HTR1F: variants seen among roughly 807,000 people sequenced by gnomAD.
HTR1F encodes the protein 5-hydroxytryptamine (serotonin) receptor 1F, G protein-coupled.
HTR1F carries 17 observed loss-of-function variants against 24.0 expected under a neutral mutation model. The observed-to-expected ratio is 0.71, with a 90% CI of 0.48 to 1.06. The LOEUF is 1.06. Ranked by LOEUF, HTR1F falls within the 50% of genes least tolerant of loss-of-function variation. The probability of loss-of-function intolerance (pLI) is 0.00; values close to 1 mark genes in which losing one functional copy is unlikely to be tolerated. For missense variants in HTR1F, 391 were observed against 427.8 expected (o/e 0.91, Z 0.76); for synonymous variants, 186 against 156.8 (o/e 1.19, Z -1.39).
intron 1 of HTR1F, among the ~76,000 whole-genome samples, chr3:87,796,135 C>G (rs977214847): frequency 6.6e-6 from 1 of 152,056 alleles, no homozygotes; most frequent in Non-Finnish European, 1.5e-5. Context: ...TGTTTGCCAG[C>G]CTAGTCTTTA....
chr3:87,991,559 T>C lies in HTR1F; in HGVS notation c.810T>C (p.Ser270=), dbSNP rs775925663. 28 of 1,613,942 alleles carry C rather than the reference T, an allele frequency of 1.7e-5. No individual in the cohort carries two copies. The highest frequency in any genetic ancestry group is 2.2e-5 in the Non-Finnish European group (26 of 1,179,984). The change falls in exon 3 of 3, where the codon TCT becomes TCC. Residue 270 remains serine (S), a synonymous_variant. Transcript: ENST00000319595. ...KIHSTVRSLR[S]EFKHEKSWRR... ...ATAGCACAGTGAGAAGTCTCAGGTCTGAATTCAAGCATGAGAAATCTTGGA... is the reference window on the plus strand; with the variant it reads ...ATAGCACAGTGAGAAGTCTCAGGTCCGAATTCAAGCATGAGAAATCTTGGA...
At chr3:87,851,544 G>T (rs1705086670) in intron 2 of HTR1F, among the ~76,000 whole-genome samples, 2 of 151,228 alleles carry the variant, frequency 1.3e-5, no homozygotes, top group Non-Finnish European at 3.0e-5. Context: ...TACTTTTATT[G>T]CTTAATGCTA....
At position 87,822,108 on chromosome 3, in the gene HTR1F, C is replaced by CAATCT. The variant is rs1366844441; in HGVS notation, c.-57_-53dup. Among the ~76,000 whole-genome samples the CAATCT allele has an allele frequency of 6.6e-6, 1 of 151,946 alleles. No homozygotes were observed. The highest frequency in any genetic ancestry group is 6.6e-5 in the Admixed American group (1 of 15,256). On this transcript the variant is annotated 5_prime_UTR_variant, in exon 2 of 3. An upstream open reading frame in the 5' UTR gains an earlier in-frame stop. Transcript: ENST00000319595. ...GAAATGGTGATGAAAACCCACAATT[C>CAATCT]AATCTACCACAGTATGGTAAGCATT...
At chr3:87,826,912 T>C (rs1704475582) in intron 2 of HTR1F, among the ~76,000 whole-genome samples, 1 of 151,950 alleles carries the variant, frequency 6.6e-6, no homozygotes, top group Admixed American at 6.6e-5. Context: ...CTGGTCTCAA[T>C]AGATCCTCCC....
At chr3:87,946,086 C>T (rs59671081) in intron 2 of HTR1F, among the ~76,000 whole-genome samples, 1 of 152,114 alleles carries the variant, frequency 6.6e-6, no homozygotes, top group Non-Finnish European at 1.5e-5. Context: ...GTGTTCAGCT[C>T]GATTAGGATG....
At chr3:87,984,388 A>ATTTGT (rs1227534404) in intron 2 of HTR1F, among the ~76,000 whole-genome samples, 2 of 149,518 alleles carry the variant, frequency 1.3e-5, no homozygotes, top group African/African-American at 4.9e-5. Flanking sequence ...TGCTGTTTTG[A>ATTTGT]TTTGTTTTGT....
At chr3:87,927,952 T>G (rs978955842) in intron 2 of HTR1F, among the ~76,000 whole-genome samples, 1 of 152,166 alleles carries the variant, frequency 6.6e-6, no homozygotes, top group East Asian at 1.9e-4. Context: ...GTAAATAAAC[T>G]CCATTGGTGG....
intron 2 of HTR1F, among the ~76,000 whole-genome samples, chr3:87,933,503 A>G (rs1342050695): frequency 6.6e-6 from 1 of 152,246 alleles, no homozygotes; most frequent in African/African-American, 2.4e-5. Context: ...AACTTCAGCA[A>G]AGTCTCAGGA....
At chr3:87,977,537 T>C (rs1440727936) in intron 2 of HTR1F, among the ~76,000 whole-genome samples, 1 of 151,400 alleles carries the variant, frequency 6.6e-6, no homozygotes, top group African/African-American at 2.4e-5. Context: ...TAGCTGGGAC[T>C]ACAGGCACCC....
intron 2 of HTR1F, among the ~76,000 whole-genome samples, chr3:87,856,748 T>C (rs1705207136): frequency 1.3e-5 from 2 of 152,164 alleles, no homozygotes; most frequent in African/African-American, 4.8e-5. Flanking sequence ...CCTAAATGTA[T>C]GCCCATGTAA....
At chr3:87,948,319 G>T (rs373615389) in intron 2 of HTR1F, among the ~76,000 whole-genome samples, 1 of 152,068 alleles carries the variant, frequency 6.6e-6, no homozygotes, top group East Asian at 1.9e-4. Flanking sequence ...AAAGGCAGAG[G>T]TCACTAGAAT....
chr3:87,832,476 C>T (rs1704602769), intron 2 of HTR1F, among the ~76,000 whole-genome samples: 2 of 152,022 alleles, frequency 1.3e-5, no homozygotes, highest in African/African-American at 4.8e-5. Flanking sequence ...TACAGGCGCA[C>T]GCCGCCACAC....
rs138757621 is a variant in HTR1F at position 87,829,968 on chromosome 3, TTAAA to T, written c.-43+7847_-43+7850del. Among the ~76,000 whole-genome samples, 347 of 152,312 alleles carry T rather than the reference TTAAA, an allele frequency of 2.3e-3. 2 individuals are homozygous for T. Among genetic ancestry groups the T allele is most frequent in the African/African-American group, 7.1e-3 (297 of 41,568 alleles). On this transcript the variant is annotated intron_variant, in intron 2 of 2. Transcript: ENST00000319595. ...TTTGCTTGTGTAAAATTTTTTATCC[TTAAA>T]TAGTCTTTAGTGTGATGTATACAAT...
At chr3:87,896,961 A>G (rs1706211184) in intron 2 of HTR1F, among the ~76,000 whole-genome samples, 1 of 152,158 alleles carries the variant, frequency 6.6e-6, no homozygotes, top group Admixed American at 6.6e-5. Flanking sequence ...TGTTGGTGGG[A>G]ATGTAGCTTA....
chr3:87,920,768 T>C (rs886728554), intron 2 of HTR1F, among the ~76,000 whole-genome samples: 1 of 151,914 alleles, frequency 6.6e-6, no homozygotes, highest in Non-Finnish European at 1.5e-5. Flanking sequence ...AAAAGAACTA[T>C]TGAGTACTAG....
At position 87,968,672 on chromosome 3, in the gene HTR1F, G is replaced by A. The variant is rs373881806; in HGVS notation, c.-42-22036G>A. 4.7e-4 allele frequency among the ~76,000 whole-genome samples: 71 copies of A among 152,308 alleles called. No individual in the cohort carries two copies. In the South Asian group the frequency reaches 0.013, roughly 29 times the overall value. ...TGGAAAATTTGCAGCCTGACAAAGC[G>A]GTAGGAAAGAAAAACCCATTTTCTT... is the stretch of plus-strand genomic sequence containing the variant. On this transcript the variant is annotated intron_variant, in intron 2 of 2. Coordinates refer to ENST00000319595, the MANE Select transcript of HTR1F (RefSeq NM_001322209.2).
intron 2 of HTR1F, among the ~76,000 whole-genome samples, chr3:87,891,309 AT>A (rs1403445237): frequency 8.5e-5 from 13 of 152,182 alleles, no homozygotes; most frequent in African/African-American, 1.7e-4. Context: ...AATAAAAAAA[AT>A]GCCATTCTCC....
intron 2 of HTR1F, among the ~76,000 whole-genome samples, chr3:87,931,450 G>A (rs1416676067): frequency 1.3e-5 from 2 of 152,222 alleles, no homozygotes; most frequent in South Asian, 2.1e-4. Flanking sequence ...GTCTATCATT[G>A]TTGGACATTT....
At chr3:87,950,248 A>G (rs939741568) in intron 2 of HTR1F, among the ~76,000 whole-genome samples, 3 of 152,194 alleles carry the variant, frequency 2.0e-5, no homozygotes, top group Non-Finnish European at 4.4e-5. Context: ...ATACTGCCAA[A>G]CTGAAAATAA....
Sources: allele counts gnomAD v4.1 joint callset (sites outside exome capture counted in the v4.1 genomes callset), GRCh38; gene constraint gnomAD v4.1.1; transcripts MANE v1.5; gene names NCBI Gene and HGNC (gene_info 2026-07-23, HGNC 2026-07-21).